The following CCSER1 variants were observed in gnomAD, a reference collection of about 807,000 sequenced individuals.
CCSER1 encodes serine-rich coiled-coil domain-containing protein 1.
In CCSER1, 41 loss-of-function variants were observed where a neutral mutation model predicts 82.0. The observed-to-expected ratio is 0.50, with a 90% CI of 0.39 to 0.65. The LOEUF (loss-of-function observed/expected upper bound fraction) is 0.65. Ranked by LOEUF, CCSER1 falls within the 30% of genes least tolerant of loss-of-function variation. CCSER1 has a pLI of 0.00. For missense variants in CCSER1, 1,119 were observed against 1,064.2 expected (o/e 1.05, Z -0.72); for synonymous variants, 414 against 383.9 (o/e 1.08, Z -0.92).
intron 7 of CCSER1, among the ~76,000 whole-genome samples, chr4:90,812,218 C>T (rs183438927): frequency 2.6e-5 from 4 of 152,190 alleles, no homozygotes; most frequent in African/African-American, 4.8e-5. Flanking sequence ...TATATTCTAG[C>T]CATTCTGGCA....
At chr4:91,225,447 G>T (rs558267327) in intron 10 of CCSER1, among the ~76,000 whole-genome samples, 1 of 145,182 alleles carries the variant, frequency 6.9e-6, no homozygotes, top group African/African-American at 2.5e-5. Context: ...ATTTAAGACT[G>T]CAAATTATAA....
At chr4:90,131,785 A>G (rs1476294448) in intron 1 of CCSER1, among the ~76,000 whole-genome samples, 1 of 152,194 alleles carries the variant, frequency 6.6e-6, no homozygotes, top group Non-Finnish European at 1.5e-5. Flanking sequence ...TGGCTATTTT[A>G]ACTATCTTCT....
intron 10 of CCSER1, among the ~76,000 whole-genome samples, chr4:91,452,152 T>C (rs553899378): frequency 3.9e-5 from 6 of 152,080 alleles, no homozygotes; most frequent in Admixed American, 2.0e-4. Flanking sequence ...TGATAATCCA[T>C]AGTCATAGGG....
At chr4:91,304,393 T>C (rs1744890688) in intron 10 of CCSER1, among the ~76,000 whole-genome samples, 1 of 152,114 alleles carries the variant, frequency 6.6e-6, no homozygotes, top group Non-Finnish European at 1.5e-5. Flanking sequence ...TCTATTGAGT[T>C]ATTTTTTGAT....
intron 6 of CCSER1, among the ~76,000 whole-genome samples, chr4:90,642,908 A>T (rs1373485993): frequency 2.0e-5 from 3 of 150,220 alleles, no homozygotes; most frequent in Non-Finnish European, 4.4e-5. Context: ...TTTTTTTTTT[A>T]AAGTAAAAGT....
chr4:90,239,008 AC>A (rs1162748808), intron 1 of CCSER1, among the ~76,000 whole-genome samples: 1 of 151,674 alleles, frequency 6.6e-6, no homozygotes, highest in Non-Finnish European at 1.5e-5. Context: ...CTGCCACCAC[AC>A]CCAGCTAATT....
At chr4:91,043,140 CAAAG>C (rs917773913) in intron 9 of CCSER1, among the ~76,000 whole-genome samples, 4 of 151,314 alleles carry the variant, frequency 2.6e-5, no homozygotes, top group African/African-American at 7.3e-5. Context: ...GAGAAAAAAA[CAAAG>C]AAAATAAAAA....
chr4:91,546,431 T>C (rs1390527843), intron 10 of CCSER1, among the ~76,000 whole-genome samples: 1 of 152,148 alleles, frequency 6.6e-6, no homozygotes, highest in Non-Finnish European at 1.5e-5. Context: ...TTAATAGATT[T>C]ATGCCTTTTC....
chr4:90,698,333 A>G (rs924200891), intron 6 of CCSER1, among the ~76,000 whole-genome samples: 1 of 152,198 alleles, frequency 6.6e-6, no homozygotes, highest in African/African-American at 2.4e-5. Flanking sequence ...TGAATAACCA[A>G]GTTTCAGAGA....
intron 10 of CCSER1, among the ~76,000 whole-genome samples, chr4:91,569,540 A>ACAAT (rs1378575343): frequency 6.6e-6 from 1 of 152,202 alleles, no homozygotes; most frequent in African/African-American, 2.4e-5. Flanking sequence ...AGGAAACTTA[A>ACAAT]CAATCATGGC....
intron 9 of CCSER1, among the ~76,000 whole-genome samples, chr4:91,062,409 G>T (rs1744035800): frequency 1.3e-5 from 2 of 151,960 alleles, no homozygotes. Context: ...GATTCACTCT[G>T]TCCCTGAAGG....
intron 5 of CCSER1, among the ~76,000 whole-genome samples, chr4:90,472,819 A>G (rs1764572548): frequency 6.6e-6 from 1 of 152,156 alleles, no homozygotes; most frequent in African/African-American, 2.4e-5. Context: ...AAATCAACCT[A>G]AGTGCCCTCA....
At chr4:91,374,862 G>A (rs1750292708) in intron 10 of CCSER1, among the ~76,000 whole-genome samples, 1 of 152,162 alleles carries the variant, frequency 6.6e-6, no homozygotes, top group Non-Finnish European at 1.5e-5. Flanking sequence ...CAGGCATGGT[G>A]GTGCACACCT....
At chr4:90,971,124 T>A (rs1259409971) in intron 9 of CCSER1, among the ~76,000 whole-genome samples, 1 of 151,920 alleles carries the variant, frequency 6.6e-6, no homozygotes, top group Non-Finnish European at 1.5e-5. Flanking sequence ...CAAAATGGTA[T>A]TTGTTCTCAT....
rs545757556 is a variant in CCSER1, at chr4:90,727,453, A to C, written c.2010+3462A>C. 2.6e-5 allele frequency among the ~76,000 whole-genome samples: 4 copies of C among 152,302 alleles called. No homozygotes were observed. The South Asian group carries it at 8.3e-4, about 32-fold the overall frequency. On this transcript the variant is annotated intron_variant, in intron 7 of 10. Coordinates refer to ENST00000509176, the MANE Select transcript of CCSER1 (RefSeq NM_001145065.2). ...AAACCTGAACAAAATTGATGTTGTT[A>C]ATTTTAATGTGCTCATTCTATCCTT...
Position 91,472,086 on chromosome 4 carries a change from G to A in CCSER1, c.2218-126486G>A, listed in dbSNP as rs555099186. 2.2e-4 allele frequency among the ~76,000 whole-genome samples: 33 copies of A among 152,086 alleles called. No individual in the cohort carries two copies. The South Asian group carries it at 6.8e-3, about 32-fold the overall frequency. The stretch of plus-strand genomic sequence containing the variant: ...AATTCACTTGGCACACATGAAAAGA[G>A]GTGACCTGTTTTTCATTGTTTTTTT... On this transcript the variant is annotated intron_variant, in intron 10 of 10. Transcript: ENST00000509176.
At chr4:91,258,254 G>A (rs1740846326) in intron 10 of CCSER1, among the ~76,000 whole-genome samples, 2 of 152,020 alleles carry the variant, frequency 1.3e-5, no homozygotes, top group African/African-American at 2.4e-5. Flanking sequence ...AAATTTTAAT[G>A]CACTAAAAAT....
At chr4:90,139,723 C>T (rs904694408) in intron 1 of CCSER1, among the ~76,000 whole-genome samples, 2 of 152,030 alleles carry the variant, frequency 1.3e-5, no homozygotes, top group African/African-American at 4.8e-5. Flanking sequence ...AAGGCGGATG[C>T]GGGCAGATCA....
chr4:91,156,575 T>A lies in CCSER1; in HGVS notation c.2217+70581T>A, dbSNP rs1189827316. 1.3e-5 allele frequency among the ~76,000 whole-genome samples: 2 copies of A among 151,636 alleles called. 1 individual carries two copies. ...AATTAAAATTATTAAGTTAAAAGAA[T>A]TAAATTTTAATTTAAGAAAAGCTTT... On this transcript the variant is annotated intron_variant, in intron 10 of 10. Coordinates refer to ENST00000509176, the MANE Select transcript of CCSER1 (RefSeq NM_001145065.2).
Sources: allele counts gnomAD v4.1 joint callset (sites outside exome capture counted in the v4.1 genomes callset), GRCh38; gene constraint gnomAD v4.1.1; transcripts MANE v1.5; gene names NCBI Gene and HGNC (gene_info 2026-07-23, HGNC 2026-07-21).